Variants in ADORA1 observed in about 807,000 individuals in gnomAD.
ADORA1 encodes adenosine receptor A1.
ADORA1 carries 6 observed loss-of-function variants against 19.9 expected under a neutral mutation model. That is an observed-to-expected ratio of 0.30 (90% CI 0.17 to 0.59). The LOEUF (loss-of-function observed/expected upper bound fraction) is 0.59. ADORA1 is among the 20% of genes least tolerant of loss of function. The pLI, the probability that ADORA1 is intolerant of heterozygous loss-of-function variation, is 0.87. For synonymous variants in ADORA1, 194 were observed against 188.4 expected (o/e 1.03, Z -0.24); for missense variants, 302 against 439.2 (o/e 0.69, Z 2.79).
intron 3 of ADORA1, among the ~76,000 whole-genome samples, chr1:203,154,227 C>A (rs1324826330): frequency 6.6e-6 from 1 of 152,232 alleles, no homozygotes; most frequent in African/African-American, 2.4e-5. Flanking sequence ...CATGTGGGTT[C>A]TCTTGCCTCT....
chr1:203,147,734 C>T (rs889894294), intron 3 of ADORA1, among the ~76,000 whole-genome samples: 1 of 152,202 alleles, frequency 6.6e-6, no homozygotes, highest in African/African-American at 2.4e-5. Flanking sequence ...CAGTCCCTGT[C>T]CTCAGTTTCT....
Position 203,165,129 on chromosome 1 carries a change from C to A in ADORA1, c.342-132C>A, listed in dbSNP as rs769215818. 9.6e-6 allele frequency: 15 copies of A among 1,557,484 alleles called. No homozygotes were observed. In the African/African-American group the frequency reaches 2.0e-4, roughly 21 times the overall value. On this transcript the variant is annotated intron_variant, in intron 3 of 3. Transcript: ENST00000337894. This position sits in a 1 kb window ranked among gnomAD's most constrained non-coding sequence, Gnocchi z 5.9. ...TCAGCCCTCGAGCAAAAGACATGCA[C>A]CTCCCCACTCACCGGGCCCTGGAAG...
At chr1:203,151,755 G>T in intron 3 of ADORA1, among the ~76,000 whole-genome samples, 1 of 151,966 alleles carries the variant, frequency 6.6e-6, no homozygotes, top group African/African-American at 2.4e-5. Flanking sequence ...TTTGAACTCG[G>T]ATCTTACCCC....
chr1:203,153,459 C>A (rs954185308), intron 3 of ADORA1, among the ~76,000 whole-genome samples: 1 of 152,174 alleles, frequency 6.6e-6, no homozygotes, highest in Non-Finnish European at 1.5e-5. Context: ...CAGCAAGTGA[C>A]CAGGAGTGAT....
At chr1:203,157,156 A>G (rs142771929) in intron 3 of ADORA1, among the ~76,000 whole-genome samples, 1 of 152,228 alleles carries the variant, frequency 6.6e-6, no homozygotes, top group African/African-American at 2.4e-5. Context: ...CCAGAGTCTC[A>G]TCTAAATCAG....
intron 3 of ADORA1, among the ~76,000 whole-genome samples, chr1:203,135,215 A>G (rs182596504): frequency 2.3e-3 from 354 of 152,386 alleles, no homozygotes; most frequent in Middle Eastern, 0.01. Context: ...GGCATGCCGG[A>G]AAAATTTTTG....
At chr1:203,164,722 G>T (rs1401178276) in intron 3 of ADORA1, among the ~76,000 whole-genome samples, 1 of 152,164 alleles carries the variant, frequency 6.6e-6, no homozygotes, top group Non-Finnish European at 1.5e-5. Context: ...CCAAGAGAAG[G>T]GATGGTTTGT....
intron 3 of ADORA1, among the ~76,000 whole-genome samples, chr1:203,138,165 T>G (rs77237130): frequency 0.014 from 2,099 of 152,282 alleles, 36 homozygotes; most frequent in African/African-American, 0.045. Flanking sequence ...ACTGGGAGGA[T>G]GCAGTTGGCA....
chr1:203,163,862 G>A (rs3766554), intron 3 of ADORA1, among the ~76,000 whole-genome samples: 13,684 of 152,226 alleles, frequency 0.09, 1,055 homozygotes, highest in East Asian at 0.44. Context: ...TCCCTGGGGC[G>A]GAAGGAAACA....
chr1:203,137,197 A>G (rs1236701485), intron 3 of ADORA1, among the ~76,000 whole-genome samples: 1 of 152,176 alleles, frequency 6.6e-6, no homozygotes, highest in Non-Finnish European at 1.5e-5. Flanking sequence ...AGGTGAGGGA[A>G]CACACCATGC....
intron 3 of ADORA1, 96 bp downstream of exon 3, chr1:203,129,278 T>C: frequency 6.6e-7 from 1 of 1,505,404 alleles, no homozygotes; most frequent in Non-Finnish European, 8.8e-7. Flanking sequence ...AGACCCCAAG[T>C]AAGCCAGATG....
intron 3 of ADORA1, among the ~76,000 whole-genome samples, chr1:203,164,722 G>A (rs1401178276): frequency 1.3e-5 from 2 of 152,164 alleles, no homozygotes. Flanking sequence ...CCAAGAGAAG[G>A]GATGGTTTGT....
chr1:203,129,953 G>A (rs1219303176), intron 3 of ADORA1, among the ~76,000 whole-genome samples: 2 of 152,374 alleles, frequency 1.3e-5, no homozygotes, highest in Non-Finnish European at 2.9e-5. Flanking sequence ...TGGGTGTCCA[G>A]CCCATGTTGG....
intron 3 of ADORA1, among the ~76,000 whole-genome samples, chr1:203,139,412 A>T (rs1378854139): frequency 6.6e-6 from 1 of 152,172 alleles, no homozygotes; most frequent in Non-Finnish European, 1.5e-5. Flanking sequence ...GAGAGTGAGG[A>T]TGCAGTAAGA....
rs200736150 is a variant in ADORA1 at position 203,165,396 on chromosome 1, C to G, written c.477C>G (p.Asn159Lys). Residue 159 changes from asparagine to lysine, a missense_variant, in exon 4 of 4, where the codon AAC becomes AAG. Transcript: ENST00000337894. The surrounding 1 kb of genome is among the most constrained non-coding windows in gnomAD (Gnocchi z 5.9). ...CGGTGGAGCGGGCCTGGGCAGCCAA[C>G]GGCAGCATGGGGGAGCCCGTGATCA... ...LSAVERAWAA[N>K]GSMGEPVIKC... is the part of the protein sequence containing the mutation. 6.2e-7 allele frequency: 1 copy of G among 1,609,240 alleles called. No individual in the cohort carries two copies. Among genetic ancestry groups the G allele is most frequent in the Non-Finnish European group, 8.5e-7 (1 of 1,177,534 alleles).
chr1:203,140,803 C>T (rs2102743628), intron 3 of ADORA1, among the ~76,000 whole-genome samples: 1 of 152,314 alleles, frequency 6.6e-6, no homozygotes, highest in South Asian at 2.1e-4. Context: ...GGCTCACTGG[C>T]TAGGCTCTTT....
At chr1:203,162,832 T>C (rs1383887836) in intron 3 of ADORA1, among the ~76,000 whole-genome samples, 2 of 152,100 alleles carry the variant, frequency 1.3e-5, no homozygotes, top group Non-Finnish European at 2.9e-5. Flanking sequence ...GATTTGTAAA[T>C]GATAAATGTG....
intron 3 of ADORA1, among the ~76,000 whole-genome samples, chr1:203,150,398 G>A (rs1424772249): frequency 1.3e-5 from 2 of 152,216 alleles, no homozygotes; most frequent in South Asian, 2.1e-4. Flanking sequence ...ACTGGTTCCC[G>A]GATTGGGCCT....
chr1:203,133,889 C>T (rs1422239842), intron 3 of ADORA1, among the ~76,000 whole-genome samples: 1 of 152,188 alleles, frequency 6.6e-6, no homozygotes, highest in African/African-American at 2.4e-5. Flanking sequence ...CTGTCCCCAC[C>T]CTGGCTAGCC....
Sources: gnomAD v4.1 joint callset for allele counts (sites outside exome capture counted in the v4.1 genomes callset) on GRCh38, gnomAD v4.1.1 for gene constraint, Gnocchi (gnomAD v3.1) non-coding constraint, MANE v1.5 for transcripts, NCBI Gene and HGNC (gene_info 2026-07-23, HGNC 2026-07-21) for gene names.